Variants in PIK3C2G observed in about 807,000 individuals in gnomAD.
PIK3C2G encodes phosphatidylinositol-4-phosphate 3-kinase catalytic subunit type 2 gamma.
PIK3C2G carries 168 observed loss-of-function variants against 181.1 expected under a neutral mutation model. The ratio of observed to expected loss-of-function variants is 0.93; its 90% confidence interval spans 0.82 to 1.05. The LOEUF (loss-of-function observed/expected upper bound fraction) is 1.05, where lower values mean the gene tolerates loss of function less well. PIK3C2G is among the 50% of genes least tolerant of loss of function. The pLI, the probability that PIK3C2G is intolerant of heterozygous loss-of-function variation, is 0.00. For missense variants in PIK3C2G, 1,869 were observed against 1,732.8 expected, an observed-to-expected ratio of 1.08 and a Z score of -1.40; for synonymous variants, 573 against 592.2, an observed-to-expected ratio of 0.97 and a Z score of 0.47.
intron 17 of PIK3C2G, 30 bp from the exon 18 acceptor site, chr12:18,423,915 G>C (rs770547681): frequency 1.9e-5 from 26 of 1,403,894 alleles, no homozygotes; most frequent in Non-Finnish European, 2.5e-5. Flanking sequence ...TTGTTACTGA[G>C]AAGTAAAGTA....
chr12:18,548,279 C>T (rs1944541273), intron 26 of PIK3C2G, among the ~76,000 whole-genome samples: 1 of 151,926 alleles, frequency 6.6e-6, no homozygotes, highest in Non-Finnish European at 1.5e-5. Context: ...AAAAGGAATG[C>T]AAAGTTGGAC....
chr12:18,638,729 A>T (rs1949708114), intron 31 of PIK3C2G, among the ~76,000 whole-genome samples: 1 of 152,116 alleles, frequency 6.6e-6, no homozygotes, highest in Non-Finnish European at 1.5e-5. Flanking sequence ...AATGACACAC[A>T]AAACTAACCA....
chr12:18,254,418 T>G (rs988282200), intron 1 of PIK3C2G, among the ~76,000 whole-genome samples: 1 of 152,128 alleles, frequency 6.6e-6, no homozygotes, highest in Admixed American at 6.5e-5. Flanking sequence ...AGCATTAATA[T>G]TCAATAGATG....
chr12:18,423,375 T>G (rs999267751), intron 17 of PIK3C2G, among the ~76,000 whole-genome samples: 1 of 151,966 alleles, frequency 6.6e-6, no homozygotes, highest in Admixed American at 6.6e-5. Context: ...CTAAGGATAG[T>G]GGGGGCTGCC....
chr12:18,337,495 G>A (rs1333028140), intron 8 of PIK3C2G, among the ~76,000 whole-genome samples: 1 of 152,100 alleles, frequency 6.6e-6, no homozygotes, highest in Non-Finnish European at 1.5e-5. Flanking sequence ...GGTTGAATTG[G>A]CTCATGGTTC....
chr12:18,586,499 A>G (rs1464582197), intron 29 of PIK3C2G, among the ~76,000 whole-genome samples: 1 of 152,142 alleles, frequency 6.6e-6, no homozygotes, highest in Non-Finnish European at 1.5e-5. Flanking sequence ...ATTCCTGGAC[A>G]CCATCCCAAG....
chr12:18,341,408 A>G (rs186859769), intron 9 of PIK3C2G, among the ~76,000 whole-genome samples: 58 of 152,302 alleles, frequency 3.8e-4, no homozygotes, highest in Middle Eastern at 3.4e-3. Flanking sequence ...TGAAACTTTT[A>G]AACTCGTAAT....
intron 5 of PIK3C2G, among the ~76,000 whole-genome samples, chr12:18,297,655 T>C (rs1176648865): frequency 6.6e-6 from 1 of 152,048 alleles, no homozygotes; most frequent in East Asian, 1.9e-4. Flanking sequence ...TATATGTTTA[T>C]ATGTATTAAC....
At chr12:18,334,450 T>C (rs1249130656) in intron 8 of PIK3C2G, among the ~76,000 whole-genome samples, 1 of 152,172 alleles carries the variant, frequency 6.6e-6, no homozygotes, top group Non-Finnish European at 1.5e-5. Flanking sequence ...TTTTCTTCTT[T>C]TTTGCCAAGC....
At chr12:18,650,400 CAT>C (rs1950394969), downstream of PIK3C2G, among the ~76,000 whole-genome samples, 1 of 124,450 alleles carries the variant, frequency 8.0e-6, no homozygotes, top group Non-Finnish European at 1.6e-5. Context: ...TATACACACA[CAT>C]TTTTTTTTTA....
chr12:18,397,998 T>C (rs1281875461), intron 15 of PIK3C2G, among the ~76,000 whole-genome samples: 1 of 152,130 alleles, frequency 6.6e-6, no homozygotes, highest in Non-Finnish European at 1.5e-5. Flanking sequence ...AAACATTATA[T>C]GATGGAGTGA....
At chr12:18,611,967 T>C (rs1948362557) in intron 31 of PIK3C2G, among the ~76,000 whole-genome samples, 1 of 152,142 alleles carries the variant, frequency 6.6e-6, no homozygotes, top group Non-Finnish European at 1.5e-5. Context: ...AAAAGTCAGA[T>C]CCTGTCATTC....
In PIK3C2G at chr12:18,470,467, T is replaced by C. The variant is rs142348346; in HGVS notation, c.2505-17982T>C. 3.0e-3 allele frequency among the ~76,000 whole-genome samples: 457 copies of C among 152,196 alleles called. 2 individuals are homozygous for C. Among genetic ancestry groups the C allele is most frequent in the African/African-American group, 1.0e-2 (414 of 41,524 alleles). The stretch of plus-strand genomic sequence containing the variant: ...GCCCCATGCGGTTAGGGCTTAGTGG[T>C]CAAATAAATCTGCAAAGGGCTGAAT... On this transcript the variant is annotated intron_variant, in intron 18 of 32. Transcript: ENST00000538779.
At chr12:18,509,205 C>T (rs971678991) in intron 24 of PIK3C2G, among the ~76,000 whole-genome samples, 1 of 152,076 alleles carries the variant, frequency 6.6e-6, no homozygotes, top group Non-Finnish European at 1.5e-5. Context: ...GCCACCACGC[C>T]TGGCTAATTT....
At chr12:18,549,071 A>G in intron 26 of PIK3C2G, among the ~76,000 whole-genome samples, 1 of 151,922 alleles carries the variant, frequency 6.6e-6, no homozygotes, top group East Asian at 1.9e-4. Flanking sequence ...TTTTAATCCC[A>G]CCCATCCCTT....
At chr12:18,366,523 C>T (rs1941654231) in intron 12 of PIK3C2G, among the ~76,000 whole-genome samples, 1 of 152,074 alleles carries the variant, frequency 6.6e-6, no homozygotes. Context: ...GAGTGAGATT[C>T]TGTCTCAAAA....
chr12:18,311,396 G>GTA (rs1044130363), intron 5 of PIK3C2G, among the ~76,000 whole-genome samples: 5 of 151,886 alleles, frequency 3.3e-5, no homozygotes, highest in South Asian at 2.1e-4. Context: ...TATGAAAGGT[G>GTA]TATATATATA....
chr12:18,349,724 T>TATATC (rs1940034882), intron 11 of PIK3C2G, among the ~76,000 whole-genome samples: 7 of 152,196 alleles, frequency 4.6e-5, no homozygotes, highest in Non-Finnish European at 8.8e-5. Context: ...TCGTTTTGTG[T>TATATC]ATGTATTTCA....
At chr12:18,529,851 T>G (rs1369843492) in intron 24 of PIK3C2G, among the ~76,000 whole-genome samples, 3 of 152,068 alleles carry the variant, frequency 2.0e-5, no homozygotes, top group Admixed American at 2.0e-4. Flanking sequence ...CTTGAATTTG[T>G]GGGAAAGGTG....
Sources: gnomAD v4.1 joint callset for allele counts (sites outside exome capture counted in the v4.1 genomes callset) on GRCh38, gnomAD v4.1.1 for gene constraint, MANE v1.5 for transcripts, NCBI Gene and HGNC (gene_info 2026-07-23, HGNC 2026-07-21) for gene names.